ARL15: variants seen among roughly 807,000 people sequenced by gnomAD.
The protein encoded by ARL15 is ADP-ribosylation factor-like protein 15.
Under a neutral mutation model 25.2 loss-of-function variants are expected in ARL15, and 19 were observed. The observed-to-expected ratio is 0.75, with a 90% CI of 0.53 to 1.10. The LOEUF (loss-of-function observed/expected upper bound fraction) is 1.10, where lower values mean the gene tolerates loss of function less well. ARL15 is among the 50% of genes least tolerant of loss of function. The probability of loss-of-function intolerance (pLI) is 0.00; values close to 1 mark genes in which losing one functional copy is unlikely to be tolerated. For missense variants in ARL15, 220 were observed against 246.0 expected (o/e 0.89, Z 0.71); for synonymous variants, 94 against 86.8 (o/e 1.08, Z -0.46).
At chr5:54,254,103 AC>A (rs2112606211) in intron 1 of ARL15, among the ~76,000 whole-genome samples, 1 of 152,342 alleles carries the variant, frequency 6.6e-6, no homozygotes, top group East Asian at 1.9e-4. Flanking sequence ...CAAAATTAAG[AC>A]AATCTTTTGC....
intron 1 of ARL15, among the ~76,000 whole-genome samples, chr5:54,217,188 G>A (rs1756232138): frequency 7.5e-6 from 1 of 132,650 alleles, no homozygotes; most frequent in African/African-American, 2.8e-5. Context: ...ATTTTAGTAA[G>A]ACAATGCTTT....
At chr5:53,921,770 T>TCAAAA (rs973096681) in intron 4 of ARL15, among the ~76,000 whole-genome samples, 2 of 152,114 alleles carry the variant, frequency 1.3e-5, no homozygotes, top group South Asian at 2.1e-4. Context: ...AGACCCTGTC[T>TCAAAA]CAAAACAAAA....
At chr5:54,192,340 G>T (rs1001512174) in intron 1 of ARL15, among the ~76,000 whole-genome samples, 1 of 151,002 alleles carries the variant, frequency 6.6e-6, no homozygotes, top group Non-Finnish European at 1.5e-5. Context: ...TTTTCCCACA[G>T]AACTTACTGT....
chr5:53,891,168 G>T (rs1414681969), intron 4 of ARL15, among the ~76,000 whole-genome samples: 1 of 152,048 alleles, frequency 6.6e-6, no homozygotes, highest in Non-Finnish European at 1.5e-5. Flanking sequence ...TTTTTCCTCT[G>T]TTTGTTATTA....
chr5:54,242,697 C>T (rs1163016561), intron 1 of ARL15, among the ~76,000 whole-genome samples: 3 of 152,150 alleles, frequency 2.0e-5, no homozygotes, highest in Admixed American at 6.5e-5. Context: ...TAGAATGAGG[C>T]GGACCTGAAA....
intron 4 of ARL15, among the ~76,000 whole-genome samples, chr5:54,012,270 T>C (rs369447010): frequency 1.4e-4 from 22 of 152,302 alleles, no homozygotes; most frequent in East Asian, 1.4e-3. Flanking sequence ...TATTGTAGTC[T>C]TCCAGAAATA....
At chr5:54,005,732 G>A (rs1474320753) in intron 4 of ARL15, among the ~76,000 whole-genome samples, 3 of 151,738 alleles carry the variant, frequency 2.0e-5, no homozygotes, top group South Asian at 2.1e-4. Context: ...CGTGGTGGCC[G>A]GCGCCTGTAG....
At chr5:54,077,792 T>C (rs1336904225) in intron 4 of ARL15, among the ~76,000 whole-genome samples, 2 of 152,206 alleles carry the variant, frequency 1.3e-5, no homozygotes, top group African/African-American at 2.4e-5. Context: ...TGTGAGGTTT[T>C]CTCAGGAAAG....
chr5:54,107,403 T>C (rs1018901174), intron 4 of ARL15, among the ~76,000 whole-genome samples: 1 of 152,154 alleles, frequency 6.6e-6, no homozygotes, highest in Non-Finnish European at 1.5e-5. Context: ...CACATTAACA[T>C]AGAAGATCTG....
intron 1 of ARL15, among the ~76,000 whole-genome samples, chr5:54,278,508 C>A (rs1453743141): frequency 6.6e-6 from 1 of 152,202 alleles, no homozygotes; most frequent in Non-Finnish European, 1.5e-5. Flanking sequence ...CTTTGTGATA[C>A]ATCCCTACAT....
Position 53,885,825 on chromosome 5 carries a change from A to G in ARL15, c.*736T>C, listed in dbSNP as rs1744505192. 6.6e-6 allele frequency: 1 copy of G among 152,174 alleles called. No homozygotes were observed. Among genetic ancestry groups the G allele is most frequent in the Admixed American group, 6.5e-5 (1 of 15,278 alleles). The allele number at this position is 152,174 out of a possible 1,614,324, so 9.4% of individuals were successfully genotyped here. On this transcript the variant is annotated 3_prime_UTR_variant, in exon 5 of 5. Transcript: ENST00000504924. ...CATTAAACAATATTTGAAGACTCGAATCAATCAAATACAGTCTGTGATGCA... is the reference window on the plus strand; with the variant it reads ...CATTAAACAATATTTGAAGACTCGAGTCAATCAAATACAGTCTGTGATGCA...
At chr5:54,035,678 C>T (rs141485491) in intron 4 of ARL15, among the ~76,000 whole-genome samples, 5 of 152,202 alleles carry the variant, frequency 3.3e-5, no homozygotes, top group Non-Finnish European at 7.4e-5. Context: ...AATGATAAAG[C>T]CCACTTTTAA....
chr5:54,012,127 C>T (rs1361580416), intron 4 of ARL15, among the ~76,000 whole-genome samples: 1 of 152,192 alleles, frequency 6.6e-6, no homozygotes, highest in African/African-American at 2.4e-5. Context: ...ATTTTAAATA[C>T]ACTGTTTATA....
Position 54,229,404 on chromosome 5 carries a change from C to G in ARL15, c.49-57476G>C, listed in dbSNP as rs77820680. Among the ~76,000 whole-genome samples, 45 of 152,178 alleles carry G rather than the reference C, an allele frequency of 3.0e-4. 1 individual carries two copies. The East Asian group carries it at 6.6e-3, about 22-fold the overall frequency. Reference sequence around the variant, plus strand: ...TGAAGGACACACTGTAGAAATCCTTCGGGTACCTGCATCAGAATCAGACAC... The same window carrying G: ...TGAAGGACACACTGTAGAAATCCTTGGGGTACCTGCATCAGAATCAGACAC... On this transcript the variant is annotated intron_variant, in intron 1 of 4. Transcript: ENST00000504924.
At chr5:54,293,105 T>C (rs1237806221) in intron 1 of ARL15, among the ~76,000 whole-genome samples, 1 of 152,208 alleles carries the variant, frequency 6.6e-6, no homozygotes, top group African/African-American at 2.4e-5. Flanking sequence ...AGTTTCATGA[T>C]AAAACCTATG....
rs114486464 is a variant in ARL15, at chr5:54,135,223, C to G, written c.253+19357G>C. On this transcript the variant is annotated intron_variant, in intron 3 of 4. Transcript: ENST00000504924. ...GACTAAAAACAGCTGGATGTTTTGA[C>G]AGCTTATCCAACATGGGCCAGTAGG... Among the ~76,000 whole-genome samples, 837 of 152,190 alleles carry G rather than the reference C, an allele frequency of 5.5e-3. 6 individuals carry two copies. The highest frequency in any genetic ancestry group is 0.019 in the African/African-American group (801 of 41,504).
At chr5:54,045,063 T>G (rs1750463188) in intron 4 of ARL15, among the ~76,000 whole-genome samples, 1 of 152,162 alleles carries the variant, frequency 6.6e-6, no homozygotes, top group South Asian at 2.1e-4. Context: ...ATACCACAAG[T>G]TATATAACGT....
At chr5:54,236,710 A>G (rs566291508) in intron 1 of ARL15, among the ~76,000 whole-genome samples, 11 of 152,370 alleles carry the variant, frequency 7.2e-5, no homozygotes, top group Admixed American at 7.2e-4. Flanking sequence ...TGCCCAGTGC[A>G]TACATTCATT....
At chr5:54,271,952 G>GT (rs202098430) in intron 1 of ARL15, among the ~76,000 whole-genome samples, 3,392 of 140,814 alleles carry the variant, frequency 0.024, 57 homozygotes, top group Middle Eastern at 0.054. Context: ...ATTTAAATTG[G>GT]TTTTTTTAAG....
Sources: allele counts gnomAD v4.1 joint callset (sites outside exome capture counted in the v4.1 genomes callset), GRCh38; gene constraint gnomAD v4.1.1; transcripts MANE v1.5; gene names NCBI Gene and HGNC (gene_info 2026-07-23, HGNC 2026-07-21).